NLRP2: variants seen among roughly 807,000 people sequenced by gnomAD.
NLRP2 encodes NLR family pyrin domain containing 2.
Under a neutral mutation model 97.2 loss-of-function variants are expected in NLRP2, and 107 were observed. The ratio of observed to expected loss-of-function variants is 1.10; its 90% confidence interval spans 0.94 to 1.29. The LOEUF (loss-of-function observed/expected upper bound fraction) is 1.29. Among genes scored for constraint, NLRP2 ranks in the 50% most tolerant of loss-of-function variants. The pLI is 0.00. For missense variants in NLRP2, 1,495 were observed against 1,330.3 expected (o/e 1.12, Z -1.93); for synonymous variants, 663 against 551.5 (o/e 1.20, Z -2.83).
At chr19:54,998,617 T>C (rs1258987415) in intron 12 of NLRP2, among the ~76,000 whole-genome samples, 67 of 121,700 alleles carry the variant, frequency 5.5e-4, no homozygotes, top group Middle Eastern at 4.5e-3. Flanking sequence ...TTTTCTTTTT[T>C]TTTTTTTTTT....
In NLRP2 at chr19:54,982,539, C is replaced by T. The variant is rs76399676; in HGVS notation, c.841C>T (p.Arg281Trp). ...CATTCCACACATCCTAGCCCAAGCA[C>T]GGAAAATCTTGTTCGTGATTGACGG... ...DDIPHILAQA[R>W]KILFVIDGFD... is the part of the protein sequence containing the mutation. The change falls in exon 6 of 13, where the codon CGG becomes TGG. Residue 281 changes from arginine (R) to tryptophan (W), a missense_variant. Physicochemically the swap from Arg to Trp is moderately radical, Grantham distance 101 (BLOSUM62 -3). Coordinates refer to ENST00000448584, the MANE Select transcript of NLRP2 (RefSeq NM_017852.5). 86 of 1,614,208 alleles carry T rather than the reference C, an allele frequency of 5.3e-5. No homozygotes were observed. The highest frequency in any genetic ancestry group is 6.4e-5 in the Non-Finnish European group (75 of 1,180,046).
At position 55,001,020 on chromosome 19, in the gene NLRP2, G is replaced by A; in HGVS notation, c.*122G>A. On this transcript the variant is annotated 3_prime_UTR_variant, in exon 13 of 13. Coordinates refer to ENST00000448584, the MANE Select transcript of NLRP2 (RefSeq NM_017852.5). ...GGATAATGAGTTCATTGCTGGGCTA[G>A]ATGTTTTAGCCATGATTCTGCCTCT... is the stretch of plus-strand genomic sequence containing the variant. 8.1e-6 allele frequency: 7 copies of A among 860,508 alleles called. No individual in the cohort carries two copies. The highest frequency in any genetic ancestry group is 1.2e-5 in the Non-Finnish European group (6 of 521,116). The allele number at this position is 860,508 out of a possible 1,614,324, so 53.3% of individuals were successfully genotyped here.
intron 11 of NLRP2, among the ~76,000 whole-genome samples, chr19:54,996,973 TCTCGGCTCA>T (rs2072862090): frequency 6.6e-6 from 1 of 151,978 alleles, no homozygotes; most frequent in Non-Finnish European, 1.5e-5. Flanking sequence ...AATGGCGCGA[TCTCGGCTCA>T]CTGCAACCTC....
intron 10 of NLRP2, among the ~76,000 whole-genome samples, chr19:54,992,300 T>C (rs531794519): frequency 1.3e-5 from 2 of 152,168 alleles, no homozygotes; most frequent in African/African-American, 4.8e-5. Context: ...ATCTAGGATA[T>C]GTACCTGGCA....
intron 1 of NLRP2, among the ~76,000 whole-genome samples, chr19:54,968,218 C>CTGT (rs10658300): frequency 0.47 from 70,438 of 151,264 alleles, 16,663 homozygotes; most frequent in African/African-American, 0.51. Flanking sequence ...GCACCCGGCC[C>CTGT]TGTTGTTTTT....
chr19:54,999,071 C>G lies in NLRP2; in HGVS notation c.3050+1584C>G, dbSNP rs1416120728. Among the ~76,000 whole-genome samples the G allele has an allele frequency of 5.4e-5, 8 of 148,498 alleles. No individual in the cohort carries two copies. The East Asian group carries it at 1.6e-3, about 29-fold the overall frequency. ...CGGCTGGCCGGTTAGAGGGGCTCCTCACTTCCCATTAGGGGCGGCCGGGCA... is the reference window on the plus strand; with the variant it reads ...CGGCTGGCCGGTTAGAGGGGCTCCTGACTTCCCATTAGGGGCGGCCGGGCA... On this transcript the variant is annotated intron_variant, in intron 12 of 12. Transcript: ENST00000448584.
At chr19:54,978,275 C>A (rs1432419511) in intron 4 of NLRP2, among the ~76,000 whole-genome samples, 1 of 151,058 alleles carries the variant, frequency 6.6e-6, no homozygotes, top group Non-Finnish European at 1.5e-5. Flanking sequence ...GTTCTTGTCA[C>A]CCAGGCTGGA....
intron 10 of NLRP2, 172 bp downstream of exon 10, chr19:54,990,844 G>C (rs997324361): frequency 2.9e-6 from 2 of 681,720 alleles, no homozygotes; most frequent in Non-Finnish European, 5.3e-6. Context: ...AGTATAAGTA[G>C]TAGTAGAGTA....
In NLRP2 at chr19:54,971,399, C is replaced by T. The variant is rs530997536; in HGVS notation, c.280+1104C>T. ...CTAGATCCCTGAGGAATCCCCACAC[C>T]GACTTCCACAATGGTTGAACTAGTT... is the stretch of plus-strand genomic sequence containing the variant. On this transcript the variant is annotated intron_variant, in intron 2 of 12. Transcript: ENST00000448584. Among the ~76,000 whole-genome samples, 70 of 152,132 alleles carry T rather than the reference C, an allele frequency of 4.6e-4. 1 individual carries two copies. The highest frequency in any genetic ancestry group is 3.0e-3 in the Admixed American group (46 of 15,240).
chr19:54,999,104 C>T (rs1422048523), intron 12 of NLRP2, among the ~76,000 whole-genome samples: 5 of 148,964 alleles, frequency 3.4e-5, no homozygotes, highest in Admixed American at 3.3e-4. Flanking sequence ...GCAGAGGCGC[C>T]CCTCACCTCC....
At chr19:54,998,121 C>CTA (rs1349857050) in intron 12 of NLRP2, among the ~76,000 whole-genome samples, 2 of 150,848 alleles carry the variant, frequency 1.3e-5, no homozygotes, top group African/African-American at 4.9e-5. Flanking sequence ...CAGGTTCCAG[C>CTA]TATTCTCATG....
intron 10 of NLRP2, 193 bp downstream of exon 10, chr19:54,990,865 T>G (rs2072431118): frequency 9.4e-6 from 6 of 638,014 alleles, no homozygotes; most frequent in Non-Finnish European, 1.7e-5. Context: ...GTAGTAATAT[T>G]CTATAGGGAT....
Position 54,982,438 on chromosome 19 carries a change from G to A in NLRP2, c.740G>A (p.Cys247Tyr). The A allele has an allele frequency of 6.2e-7, 1 of 1,614,178 alleles. No individual in the cohort carries two copies. The highest frequency in any genetic ancestry group is 8.5e-7 in the Non-Finnish European group (1 of 1,180,040). ...HKFKYAFYLSCRELSRLGPCS... is the reference protein window; with the variant it reads ...HKFKYAFYLSYRELSRLGPCS... ...TTCAAATATGCGTTCTACCTCAGCT[G>A]CAGGGAGCTCAGCCGCCTGGGCCCG... Residue 247 changes from cysteine to tyrosine, a missense_variant, in exon 6 of 13, where the codon TGC (cysteine) becomes TAC (tyrosine). Coordinates refer to ENST00000448584, the MANE Select transcript of NLRP2 (RefSeq NM_017852.5).
chr19:54,969,592 T>C (rs1454439344), intron 1 of NLRP2, among the ~76,000 whole-genome samples: 2 of 152,004 alleles, frequency 1.3e-5, no homozygotes, highest in Admixed American at 1.3e-4. Flanking sequence ...GAGGCAGAGG[T>C]TGCAGTGAGC....
intron 3 of NLRP2, among the ~76,000 whole-genome samples, chr19:54,977,487 TTGTG>T (rs61515967): frequency 0.048 from 7,151 of 147,460 alleles, 440 homozygotes; most frequent in African/African-American, 0.15. Flanking sequence ...CGTGAGTAGT[TTGTG>T]TGTGTGTGTG....
intron 1 of NLRP2, among the ~76,000 whole-genome samples, 188 bp downstream of exon 1, chr19:54,966,655 C>T (rs1238364062): frequency 1.3e-5 from 2 of 151,930 alleles, no homozygotes; most frequent in Non-Finnish European, 2.9e-5. Flanking sequence ...AGGCCATTCT[C>T]CTGCCTCAGC....
chr19:54,970,580 T>C (rs371031798), intron 2 of NLRP2, among the ~76,000 whole-genome samples: 304 of 151,760 alleles, frequency 2.0e-3, no homozygotes, highest in Middle Eastern at 0.01. Flanking sequence ...CACTTAAATC[T>C]AGGAGGCGGG....
At chr19:54,997,258 GC>G (rs1380406158) in intron 11 of NLRP2, 58 bp from the exon 12 acceptor site, 4 of 1,581,362 alleles carry the variant, frequency 2.5e-6, no homozygotes, top group Admixed American at 1.7e-5. Flanking sequence ...GGCTTGGCTT[GC>G]CGGAGGGCAT....
chr19:54,988,137 C>T (rs546432671), intron 8 of NLRP2, among the ~76,000 whole-genome samples: 1 of 152,258 alleles, frequency 6.6e-6, no homozygotes, highest in East Asian at 1.9e-4. Context: ...GTACATCTTA[C>T]AGGTATTGGA....
Sources: gnomAD v4.1 joint callset for allele counts (sites outside exome capture counted in the v4.1 genomes callset) on GRCh38, gnomAD v4.1.1 for gene constraint, MANE v1.5 for transcripts, NCBI Gene and HGNC (gene_info 2026-07-23, HGNC 2026-07-21) for gene names.